PPARGC1A: variants seen among roughly 807,000 people sequenced by gnomAD.
PPARGC1A encodes PPARG coactivator 1 alpha, also known as peroxisome proliferator-activated receptor gamma coactivator 1-alpha.
In PPARGC1A, 25 loss-of-function variants were observed where a neutral mutation model predicts 88.7. The observed-to-expected ratio is 0.28, with a 90% CI of 0.21 to 0.39. The LOEUF (loss-of-function observed/expected upper bound fraction) is 0.39. PPARGC1A is among the 10% of genes least tolerant of loss of function. The probability of loss-of-function intolerance (pLI) is 1.00; values close to 1 mark genes in which losing one functional copy is unlikely to be tolerated. For missense variants in PPARGC1A, 880 were observed against 968.7 expected, an observed-to-expected ratio of 0.91 and a Z score of 1.22; for synonymous variants, 363 against 355.6, an observed-to-expected ratio of 1.02 and a Z score of -0.24.
At chr4:23,809,281 T>C (rs1022491748) in intron 10 of PPARGC1A, among the ~76,000 whole-genome samples, 5 of 152,158 alleles carry the variant, frequency 3.3e-5, no homozygotes, top group Non-Finnish European at 5.9e-5. Context: ...AGCTAACTAT[T>C]TGGAGGAAGG....
the PPARGC1A span, among the ~76,000 whole-genome samples, chr4:24,006,096 G>T: frequency 6.6e-6 from 1 of 152,098 alleles, no homozygotes; most frequent in Non-Finnish European, 1.5e-5. Context: ...TGTCACCCAG[G>T]CTAGAGTGCA....
At chr4:23,915,386 T>G in the PPARGC1A span, among the ~76,000 whole-genome samples, 2 of 152,208 alleles carry the variant, frequency 1.3e-5, no homozygotes, top group South Asian at 4.1e-4. Flanking sequence ...GTGTGTTGTA[T>G]TAAATAAATT....
At chr4:24,085,514 C>T in the PPARGC1A span, among the ~76,000 whole-genome samples, 5 of 152,190 alleles carry the variant, frequency 3.3e-5, no homozygotes, top group Non-Finnish European at 2.9e-5. Flanking sequence ...TTCAGGTACA[C>T]CTGTGTTGGG....
the PPARGC1A span, chr4:24,258,358 G>A: frequency 4.2e-5 from 9 of 212,040 alleles, no homozygotes; most frequent in Non-Finnish European, 7.3e-5. Context: ...GTCCATTATG[G>A]TGAGAATTCA....
chr4:24,020,708 G>T, the PPARGC1A span, among the ~76,000 whole-genome samples: 2 of 152,202 alleles, frequency 1.3e-5, no homozygotes, highest in South Asian at 4.2e-4. Context: ...GAAAGGGAAG[G>T]GGGGACAGAG....
At chr4:23,827,904 G>A (rs1237663145) in intron 5 of PPARGC1A, among the ~76,000 whole-genome samples, 1 of 151,582 alleles carries the variant, frequency 6.6e-6, no homozygotes, top group Non-Finnish European at 1.5e-5. Flanking sequence ...AGGAGAGGGA[G>A]AAAGAAGAAG....
chr4:24,159,682 CAT>C, the PPARGC1A span, among the ~76,000 whole-genome samples: 2 of 152,146 alleles, frequency 1.3e-5, no homozygotes, highest in African/African-American at 4.8e-5. Context: ...AAACAAGTCA[CAT>C]AGTAGGTTTT....
the PPARGC1A span, among the ~76,000 whole-genome samples, chr4:23,928,757 AAAAC>A: frequency 2.6e-3 from 5 of 1,958 alleles, 1 homozygote; most frequent in Non-Finnish European, 0.042. Context: ...CAGCCACAAA[AAAAC>A]AAAAAAAACA....
At chr4:24,333,525 C>T in the PPARGC1A span, among the ~76,000 whole-genome samples, 3 of 152,196 alleles carry the variant, frequency 2.0e-5, no homozygotes, top group Admixed American at 6.5e-5. Context: ...GTATAGAGAG[C>T]TTCTCCATCT....
intron 2 of PPARGC1A, among the ~76,000 whole-genome samples, chr4:23,846,544 T>C (rs1202006004): frequency 6.6e-6 from 1 of 152,208 alleles, no homozygotes; most frequent in Non-Finnish European, 1.5e-5. Flanking sequence ...TCCATAGAAA[T>C]ACTGGATTGT....
At chr4:24,214,384 GGT>G in the PPARGC1A span, among the ~76,000 whole-genome samples, 3 of 152,182 alleles carry the variant, frequency 2.0e-5, no homozygotes, top group Non-Finnish European at 4.4e-5. Flanking sequence ...TGAGTGAAGG[GGT>G]TTTACACATG....
At chr4:24,346,899 A>G in the PPARGC1A span, among the ~76,000 whole-genome samples, 2 of 152,106 alleles carry the variant, frequency 1.3e-5, no homozygotes, top group African/African-American at 2.4e-5. Flanking sequence ...TTTTTGATGT[A>G]GCTATTTAGG....
the PPARGC1A span, among the ~76,000 whole-genome samples, chr4:23,962,859 A>G: frequency 2.6e-5 from 4 of 152,150 alleles, no homozygotes; most frequent in Non-Finnish European, 4.4e-5. Flanking sequence ...CACCACTAAA[A>G]GAAGGGAGGC....
At chr4:23,806,867 A>G (rs962519091) in intron 10 of PPARGC1A, among the ~76,000 whole-genome samples, 1 of 152,202 alleles carries the variant, frequency 6.6e-6, no homozygotes, top group African/African-American at 2.4e-5. Flanking sequence ...AAGAAAAGAC[A>G]GAAGGTAGTA....
chr4:23,819,835 G>C (rs1257151170), intron 7 of PPARGC1A, among the ~76,000 whole-genome samples: 1 of 152,146 alleles, frequency 6.6e-6, no homozygotes, highest in African/African-American at 2.4e-5. Context: ...CACAGGAATA[G>C]ATTATGTGGC....
At chr4:24,165,807 C>CT in the PPARGC1A span, among the ~76,000 whole-genome samples, 6,267 of 152,196 alleles carry the variant, frequency 0.041, 355 homozygotes, top group African/African-American at 0.12. Context: ...GTTCTCCTCT[C>CT]CCTCTCCCTG....
the PPARGC1A span, among the ~76,000 whole-genome samples, chr4:24,454,806 T>C: frequency 5.9e-5 from 9 of 152,104 alleles, no homozygotes; most frequent in African/African-American, 2.2e-4. Flanking sequence ...AGCCAGTTAG[T>C]TAAATAGTTC....
chr4:24,277,674 A>C, the PPARGC1A span, among the ~76,000 whole-genome samples: 1 of 152,154 alleles, frequency 6.6e-6, no homozygotes, highest in Admixed American at 6.5e-5. Context: ...GGGAAATAAA[A>C]TTCCCTCATT....
the PPARGC1A span, among the ~76,000 whole-genome samples, chr4:24,387,742 AAGAAAG>A: frequency 0.015 from 1,183 of 80,318 alleles, 40 homozygotes; most frequent in South Asian, 0.053. Flanking sequence ...TCAAGAAAGA[AAGAAAG>A]AGAGAGAGAG....
Sources: allele counts gnomAD v4.1 joint callset (sites outside exome capture counted in the v4.1 genomes callset), GRCh38; gene constraint gnomAD v4.1.1; transcripts MANE v1.5; gene names NCBI Gene and HGNC (gene_info 2026-07-23, HGNC 2026-07-21).